The following CRIM1 variants were observed in gnomAD, a reference collection of about 807,000 sequenced individuals.
The protein encoded by CRIM1 is cysteine rich transmembrane BMP regulator 1, also known as cysteine-rich motor neuron 1 protein.
CRIM1 carries 32 observed loss-of-function variants against 116.4 expected under a neutral mutation model. The ratio of observed to expected loss-of-function variants is 0.27; its 90% CI spans 0.21 to 0.37. CRIM1 has a LOEUF of 0.37. Among genes scored for constraint, CRIM1 ranks in the 10% least tolerant of loss-of-function variants. The pLI is 1.00. For missense variants in CRIM1, 1,331 were observed against 1,354.8 expected, an observed-to-expected ratio of 0.98 and a Z score of 0.28; for synonymous variants, 590 against 509.2, an observed-to-expected ratio of 1.16 and a Z score of -2.13.
At chr2:36,432,395 G>C (rs1162339672) in intron 2 of CRIM1, among the ~76,000 whole-genome samples, 1 of 152,086 alleles carries the variant, frequency 6.6e-6, no homozygotes, top group Non-Finnish European at 1.5e-5. Context: ...TTATTTGAAT[G>C]GCAATTTTTT....
chr2:36,368,306 C>G (rs1402025213), intron 1 of CRIM1, among the ~76,000 whole-genome samples: 1 of 152,238 alleles, frequency 6.6e-6, no homozygotes. Flanking sequence ...CTGTGTACAG[C>G]TGAGCCACTG....
rs537320420 is a variant in CRIM1 at position 36,546,737 on chromosome 2, A to AC, written c.2747-244dup. Among the ~76,000 whole-genome samples, 5 of 132,924 alleles carry AC rather than the reference A, an allele frequency of 3.8e-5. No individual in the cohort carries two copies. In the East Asian group the frequency reaches 1.1e-3, roughly 29 times the overall value. The allele number at this position is 132,924 out of a possible 152,430, so 87.2% of individuals were successfully genotyped here. A position where few individuals can be genotyped will look rare whatever the true frequency, so the allele number is the denominator to read the frequency against. On this transcript the variant is annotated intron_variant, in intron 15 of 16. Coordinates refer to ENST00000280527, the MANE Select transcript of CRIM1 (RefSeq NM_016441.3). The stretch of plus-strand genomic sequence containing the variant: ...GATTAGCTAGAGCCGGCATCATCTT[A>AC]CCCAATTATTAAGATTCTCACTCTG...
chr2:36,400,979 G>A (rs1049808413), intron 2 of CRIM1, among the ~76,000 whole-genome samples: 2 of 152,092 alleles, frequency 1.3e-5, no homozygotes, highest in African/African-American at 2.4e-5. Context: ...CAGTGGTGGG[G>A]ATAGGGCAAG....
At chr2:36,437,581 A>C (rs201089847) in intron 2 of CRIM1, among the ~76,000 whole-genome samples, 1 of 111,762 alleles carries the variant, frequency 8.9e-6, no homozygotes, top group African/African-American at 3.6e-5. Context: ...ATTAATAAAG[A>C]GAAAGCCAGT....
At chr2:36,448,749 T>C (rs1488707948) in intron 4 of CRIM1, among the ~76,000 whole-genome samples, 1 of 152,248 alleles carries the variant, frequency 6.6e-6, no homozygotes, top group Non-Finnish European at 1.5e-5. Flanking sequence ...TATGCCGTTC[T>C]TAAAAGTTAT....
rs946015251 is a variant in CRIM1, at chr2:36,499,251, T to G, written c.1405T>G (p.Cys469Gly). 1.9e-6 allele frequency: 3 copies of G among 1,611,908 alleles called. No homozygotes were observed. The highest frequency in any genetic ancestry group is 2.5e-6 in the Non-Finnish European group (3 of 1,177,982). ...PTIITVDPPA[C>G]GELSNCTLTG... is the part of the protein sequence containing the mutation. ...CATCATCACAGTTGATCCACCTGCA[T>G]GTGGGGAGTTATCAAACTGCACTCT... is the stretch of plus-strand genomic sequence containing the variant. Residue 469 changes from cysteine to glycine, a missense_variant, in exon 8 of 17, where the codon TGT (cysteine) becomes GGT (glycine). Coordinates refer to ENST00000280527, the MANE Select transcript of CRIM1 (RefSeq NM_016441.3).
intron 13 of CRIM1, chr2:36,529,194 TG>T (rs773329431): frequency 1.1e-5 from 5 of 471,256 alleles, no homozygotes; most frequent in African/African-American, 1.0e-4. Flanking sequence ...GTCAAGGATA[TG>T]GGGGAAGACC....
At chr2:36,460,301 T>C (rs1242731633) in intron 4 of CRIM1, among the ~76,000 whole-genome samples, 1 of 152,218 alleles carries the variant, frequency 6.6e-6, no homozygotes, top group Admixed American at 6.5e-5. Context: ...ACATATTGTA[T>C]GATTCCATTT....
intron 2 of CRIM1, among the ~76,000 whole-genome samples, chr2:36,423,017 C>T (rs1674185723): frequency 6.6e-6 from 1 of 152,138 alleles, no homozygotes; most frequent in African/African-American, 2.4e-5. Context: ...ATAATGGAAA[C>T]AGAATTTAGG....
chr2:36,474,176 T>G (rs1479587741), intron 5 of CRIM1, among the ~76,000 whole-genome samples: 1 of 152,190 alleles, frequency 6.6e-6, no homozygotes, highest in Non-Finnish European at 1.5e-5. Context: ...TTTGCCCGTT[T>G]TGATTAGATT....
At chr2:36,524,236 A>T (rs1363072852) in intron 13 of CRIM1, among the ~76,000 whole-genome samples, 1 of 152,190 alleles carries the variant, frequency 6.6e-6, no homozygotes, top group Non-Finnish European at 1.5e-5. Flanking sequence ...TAAGCTTTCT[A>T]GCTCCTAAGT....
intron 2 of CRIM1, among the ~76,000 whole-genome samples, chr2:36,405,769 T>C (rs1331515664): frequency 6.6e-6 from 1 of 152,230 alleles, no homozygotes; most frequent in Non-Finnish European, 1.5e-5. Flanking sequence ...GCATATCTTA[T>C]ACATTGCTTT....
At chr2:36,420,354 G>T (rs986385140) in intron 2 of CRIM1, among the ~76,000 whole-genome samples, 12 of 152,310 alleles carry the variant, frequency 7.9e-5, no homozygotes, top group African/African-American at 1.7e-4. Flanking sequence ...TTAAAGGGGT[G>T]AAGTAACTTG....
At chr2:36,488,660 C>T (rs1010118937) in intron 7 of CRIM1, among the ~76,000 whole-genome samples, 1 of 152,188 alleles carries the variant, frequency 6.6e-6, no homozygotes, top group Non-Finnish European at 1.5e-5. Context: ...CCTGTTTACA[C>T]CTCAGTGGAG....
chr2:36,357,999 G>A (rs1447113849), intron 1 of CRIM1, among the ~76,000 whole-genome samples: 1 of 152,178 alleles, frequency 6.6e-6, no homozygotes, highest in Non-Finnish European at 1.5e-5. Context: ...TGAATAGTTT[G>A]GGGTTTGGAC....
chr2:36,546,968 ATT>A lies in CRIM1; in HGVS notation c.2747-9_2747-8del. 6.7e-7 allele frequency: 1 copy of A among 1,483,942 alleles called. No homozygotes were observed. The highest frequency in any genetic ancestry group is 9.2e-7 in the Non-Finnish European group (1 of 1,084,406). 91.9% of individuals were successfully genotyped at this position (1,483,942 alleles called of 1,614,324 possible). A position where few individuals can be genotyped will look rare whatever the true frequency, so the allele number is the denominator to read the frequency against. ...CTGGTTTAGGTAATAAATGCTTATA[ATT>A]TTTTTTCTCCTAGATATGGGTCACC... is the stretch of plus-strand genomic sequence containing the variant. On this transcript the variant is annotated splice_polypyrimidine_tract_variant and intron_variant, in intron 15 of 16. Transcript: ENST00000280527.
At chr2:36,482,401 G>A (rs1679488971) in intron 7 of CRIM1, among the ~76,000 whole-genome samples, 2 of 152,076 alleles carry the variant, frequency 1.3e-5, no homozygotes, top group Admixed American at 1.3e-4. Flanking sequence ...GGTTATTTAT[G>A]GCTACTAATA....
At chr2:36,377,390 C>A (rs1282052568) in intron 1 of CRIM1, among the ~76,000 whole-genome samples, 1 of 152,174 alleles carries the variant, frequency 6.6e-6, no homozygotes, top group African/African-American at 2.4e-5. Flanking sequence ...ATGATAAATT[C>A]CATAGGGAGA....
chr2:36,388,348 A>G (rs1671327175), intron 1 of CRIM1, among the ~76,000 whole-genome samples: 1 of 152,212 alleles, frequency 6.6e-6, no homozygotes, highest in Non-Finnish European at 1.5e-5. Flanking sequence ...TTTTCAAAAC[A>G]AAGTCTAATT....
Sources: allele counts gnomAD v4.1 joint callset (sites outside exome capture counted in the v4.1 genomes callset), GRCh38; gene constraint gnomAD v4.1.1; transcripts MANE v1.5; gene names NCBI Gene and HGNC (gene_info 2026-07-23, HGNC 2026-07-21).